SHISA9: variants seen among roughly 807,000 people sequenced by gnomAD.
The protein encoded by SHISA9 is protein shisa-9.
Under a neutral mutation model 38.0 loss-of-function variants are expected in SHISA9, and 13 were observed. That is an observed-to-expected ratio of 0.34 (90% CI 0.22 to 0.54). The LOEUF (loss-of-function observed/expected upper bound fraction) is 0.54, where lower values mean the gene tolerates loss of function less well. SHISA9 is among the 20% of genes least tolerant of loss of function. The probability of loss-of-function intolerance (pLI) is 0.91; values close to 1 mark genes in which losing one functional copy is unlikely to be tolerated. For synonymous variants in SHISA9, 275 were observed against 242.0 expected (o/e 1.14, Z -1.27); for missense variants, 538 against 575.8 (o/e 0.93, Z 0.67).
the SHISA9 span, among the ~76,000 whole-genome samples, chr16:13,506,348 A>G: frequency 6.6e-6 from 1 of 152,184 alleles, no homozygotes; most frequent in African/African-American, 2.4e-5. Flanking sequence ...TTCCATCCCA[A>G]CAGAGGTGTG....
chr16:13,060,251 C>T (rs2073358456), intron 2 of SHISA9, among the ~76,000 whole-genome samples: 1 of 152,174 alleles, frequency 6.6e-6, no homozygotes, highest in African/African-American at 2.4e-5. Context: ...TTTCATTCTC[C>T]TTCCTTTCTC....
intron 2 of SHISA9, among the ~76,000 whole-genome samples, chr16:12,949,217 G>T (rs1197332785): frequency 6.6e-6 from 1 of 152,174 alleles, no homozygotes; most frequent in Non-Finnish European, 1.5e-5. Context: ...GTCTGGAAGG[G>T]AGTGATGGCT....
At chr16:13,020,997 A>G (rs1433486467) in intron 2 of SHISA9, among the ~76,000 whole-genome samples, 2 of 152,158 alleles carry the variant, frequency 1.3e-5, no homozygotes, top group Non-Finnish European at 2.9e-5. Flanking sequence ...TGGGTGTAGA[A>G]ACTGAAATAG....
chr16:13,315,811 T>C, the SHISA9 span, among the ~76,000 whole-genome samples: 1 of 151,794 alleles, frequency 6.6e-6, no homozygotes, highest in Non-Finnish European at 1.5e-5. Context: ...TGGAGGAGGG[T>C]CACACATTTA....
chr16:13,546,906 C>G, the SHISA9 span, among the ~76,000 whole-genome samples: 1 of 152,188 alleles, frequency 6.6e-6, no homozygotes, highest in Admixed American at 6.5e-5. Flanking sequence ...CATCTGGCTC[C>G]TGTGTCTGGC....
At chr16:13,487,409 G>A in the SHISA9 span, among the ~76,000 whole-genome samples, 3 of 152,180 alleles carry the variant, frequency 2.0e-5, no homozygotes, top group Admixed American at 6.5e-5. Flanking sequence ...TACAATCATG[G>A]CAGAAAATGA....
the SHISA9 span, among the ~76,000 whole-genome samples, chr16:13,491,044 T>G: frequency 1.3e-5 from 2 of 152,230 alleles, no homozygotes; most frequent in African/African-American, 4.8e-5. Flanking sequence ...CACCCAATAC[T>G]TTCATGTAAC....
At chr16:12,929,380 GAATC>G (rs2071434330) in intron 2 of SHISA9, among the ~76,000 whole-genome samples, 1 of 152,080 alleles carries the variant, frequency 6.6e-6, no homozygotes, top group African/African-American at 2.4e-5. Context: ...TAAAGACTTG[GAATC>G]AATCTAAATG....
the SHISA9 span, among the ~76,000 whole-genome samples, chr16:13,504,643 C>T: frequency 2.6e-5 from 4 of 152,156 alleles, no homozygotes; most frequent in East Asian, 7.7e-4. Flanking sequence ...GACTAAGAAA[C>T]AGAGGAATTT....
At chr16:13,448,646 A>C in the SHISA9 span, among the ~76,000 whole-genome samples, 261 of 152,336 alleles carry the variant, frequency 1.7e-3, no homozygotes, top group African/African-American at 5.8e-3. Context: ...CAGATGTTGA[A>C]CTATAGTGAT....
At chr16:13,472,376 AAT>A in the SHISA9 span, among the ~76,000 whole-genome samples, 7 of 113,434 alleles carry the variant, frequency 6.2e-5, no homozygotes, top group South Asian at 2.6e-4. Context: ...CGCTCTGCTA[AAT>A]TTTTTTTTTT....
chr16:13,548,850 C>G, the SHISA9 span, among the ~76,000 whole-genome samples: 1 of 152,078 alleles, frequency 6.6e-6, no homozygotes. Context: ...ATCCAGTAAT[C>G]CCACAGCTGG....
chr16:13,523,341 C>G, the SHISA9 span, among the ~76,000 whole-genome samples: 1 of 152,142 alleles, frequency 6.6e-6, no homozygotes, highest in African/African-American at 2.4e-5. Context: ...CACAGCAAGA[C>G]TCCATCTCAA....
chr16:13,482,545 A>G, the SHISA9 span, among the ~76,000 whole-genome samples: 1 of 152,152 alleles, frequency 6.6e-6, no homozygotes, highest in East Asian at 1.9e-4. Flanking sequence ...CATGCCTGTA[A>G]TCCTAGCACT....
chr16:13,397,969 T>C, the SHISA9 span, among the ~76,000 whole-genome samples: 1 of 152,144 alleles, frequency 6.6e-6, no homozygotes, highest in African/African-American at 2.4e-5. Context: ...AAGGTGGTTT[T>C]TCCCTGGAGT....
At chr16:13,043,425 G>A (rs193111359) in intron 2 of SHISA9, among the ~76,000 whole-genome samples, 1 of 152,214 alleles carries the variant, frequency 6.6e-6, no homozygotes, top group African/African-American at 2.4e-5. Flanking sequence ...GAGGGTATTT[G>A]TGGTTTCTCT....
At chr16:13,419,203 A>G in the SHISA9 span, among the ~76,000 whole-genome samples, 1 of 152,242 alleles carries the variant, frequency 6.6e-6, no homozygotes, top group Admixed American at 6.5e-5. Flanking sequence ...ATGGCGTAAG[A>G]CAATGTAACA....
At chr16:12,970,410 TATATATAC>T (rs2072053207) in intron 2 of SHISA9, among the ~76,000 whole-genome samples, 2 of 12,576 alleles carry the variant, frequency 1.6e-4, no homozygotes, top group African/African-American at 4.7e-4. Flanking sequence ...TATACATATA[TATATATAC>T]ACATATATGT....
the SHISA9 span, among the ~76,000 whole-genome samples, chr16:13,398,755 A>C: frequency 6.6e-6 from 1 of 152,042 alleles, no homozygotes; most frequent in Non-Finnish European, 1.5e-5. Context: ...CAGGTGATCC[A>C]CACGCCTTTG....
Sources: gnomAD v4.1 joint callset for allele counts (sites outside exome capture counted in the v4.1 genomes callset) on GRCh38, gnomAD v4.1.1 for gene constraint, MANE v1.5 for transcripts, NCBI Gene and HGNC (gene_info 2026-07-23, HGNC 2026-07-21) for gene names.